DIPK1A: variants seen among roughly 807,000 people sequenced by gnomAD.
DIPK1A encodes family with sequence similarity 69 member A.
Under a neutral mutation model 40.8 loss-of-function variants are expected in DIPK1A, and 27 were observed. The observed-to-expected ratio is 0.66, with a 90% CI of 0.49 to 0.91. The LOEUF (loss-of-function observed/expected upper bound fraction) is 0.91, where lower values mean the gene tolerates loss of function less well. Ranked by LOEUF, DIPK1A falls within the 40% of genes least tolerant of loss-of-function variation. DIPK1A has a pLI of 0.00. For missense variants in DIPK1A, 412 were observed against 505.7 expected (o/e 0.81, Z 1.78); for synonymous variants, 166 against 171.3 (o/e 0.97, Z 0.24).
chr1:92,915,942 T>TG (rs1650036663), intron 1 of DIPK1A, among the ~76,000 whole-genome samples: 1 of 151,972 alleles, frequency 6.6e-6, no homozygotes, highest in Admixed American at 6.6e-5. Context: ...TAAAAAGAAA[T>TG]GAAGTATTGA....
chr1:92,878,317 G>C (rs1224091502), intron 1 of DIPK1A, among the ~76,000 whole-genome samples: 7 of 152,162 alleles, frequency 4.6e-5, no homozygotes, highest in African/African-American at 1.4e-4. Flanking sequence ...GGCTGAGGTA[G>C]GAGAATCACT....
intron 2 of DIPK1A, among the ~76,000 whole-genome samples, chr1:92,868,693 C>T (rs181356244): frequency 3.8e-4 from 58 of 152,180 alleles, no homozygotes; most frequent in Middle Eastern, 3.4e-3. Flanking sequence ...TGGCTGGGTG[C>T]GGTGGCTCAT....
At chr1:92,840,414 TAA>T (rs1557443920), downstream of DIPK1A, 1 of 710,192 alleles carries the variant, frequency 1.4e-6, no homozygotes, top group Admixed American at 2.2e-5. Context: ...ATTTAGAAGT[TAA>T]AGTGTTTACC....
chr1:92,851,702 C>T (rs1687833724), intron 2 of DIPK1A, among the ~76,000 whole-genome samples: 1 of 151,776 alleles, frequency 6.6e-6, no homozygotes, highest in Non-Finnish European at 1.5e-5. Context: ...CCAATGAAAC[C>T]CTAGGCACAA....
intron 1 of DIPK1A, among the ~76,000 whole-genome samples, chr1:92,896,404 A>G: frequency 6.6e-6 from 1 of 152,212 alleles, no homozygotes; most frequent in East Asian, 1.9e-4. Flanking sequence ...AGAAATGGGG[A>G]AAGGATTCCC....
chr1:92,843,068 T>C lies in DIPK1A; in HGVS notation c.*315A>G, dbSNP rs1687438205. On this transcript the variant is annotated 3_prime_UTR_variant, in exon 5 of 5. Transcript: ENST00000370310. The stretch of plus-strand genomic sequence containing the variant: ...ATTGGTATTTTGGCTAAGGTAAATC[T>C]ACAAATCACTCACTGTTGATGTTTA... 1 of 1,032,584 alleles carries C rather than the reference T, an allele frequency of 9.7e-7. No homozygotes were observed. Among genetic ancestry groups the C allele is most frequent in the African/African-American group, 1.7e-5 (1 of 58,774 alleles). 64.0% of individuals were successfully genotyped at this position (1,032,584 alleles called of 1,614,324 possible). A position where few individuals can be genotyped will look rare whatever the true frequency, so the allele number is the denominator to read the frequency against.
At chr1:92,895,042 C>A (rs1272953632) in intron 1 of DIPK1A, among the ~76,000 whole-genome samples, 2 of 152,018 alleles carry the variant, frequency 1.3e-5, no homozygotes, top group African/African-American at 4.8e-5. Context: ...AGTCCAGGAC[C>A]AGATGGACTC....
At chr1:92,861,309 TTCTC>T (rs772387771) in intron 2 of DIPK1A, among the ~76,000 whole-genome samples, 101 of 125,194 alleles carry the variant, frequency 8.1e-4, no homozygotes, top group African/African-American at 2.9e-3. Context: ...AGCTTTTCTA[TTCTC>T]TCTCTCTCTT....
At chr1:92,847,605 G>A (rs1405864029) in intron 3 of DIPK1A, among the ~76,000 whole-genome samples, 1 of 152,142 alleles carries the variant, frequency 6.6e-6, no homozygotes, top group Non-Finnish European at 1.5e-5. Context: ...AGTCCAATGA[G>A]AAGGATGTAA....
At chr1:92,907,672 G>A (rs1299405005) in intron 1 of DIPK1A, among the ~76,000 whole-genome samples, 1 of 151,854 alleles carries the variant, frequency 6.6e-6, no homozygotes, top group Non-Finnish European at 1.5e-5. Flanking sequence ...ACTCCCCTGG[G>A]CTCAAGTGAT....
intron 1 of DIPK1A, among the ~76,000 whole-genome samples, chr1:92,957,836 T>C (rs1651912319): frequency 6.6e-6 from 1 of 152,194 alleles, no homozygotes. Context: ...CACTATCAAT[T>C]TTAGAACATT....
chr1:92,846,831 A>ACACACACG (rs1302074966), intron 4 of DIPK1A, among the ~76,000 whole-genome samples: 144 of 7,696 alleles, frequency 0.019, 35 homozygotes, highest in South Asian at 0.024. Flanking sequence ...ATATATATAT[A>ACACACACG]TATATATATA....
chr1:92,849,417 G>A (rs558253262), intron 3 of DIPK1A, among the ~76,000 whole-genome samples: 8 of 150,354 alleles, frequency 5.3e-5, no homozygotes, highest in Non-Finnish European at 1.2e-4. Flanking sequence ...ACATGAACAC[G>A]GCTCACTGCA....
intron 2 of DIPK1A, among the ~76,000 whole-genome samples, chr1:92,858,475 G>A (rs1688061627): frequency 6.6e-6 from 1 of 152,154 alleles, no homozygotes; most frequent in Non-Finnish European, 1.5e-5. Context: ...TGGTATTTAA[G>A]TGTTCCGTAA....
At chr1:92,879,321 A>G (rs1392077016) in intron 1 of DIPK1A, among the ~76,000 whole-genome samples, 1 of 152,216 alleles carries the variant, frequency 6.6e-6, no homozygotes, top group Non-Finnish European at 1.5e-5. Flanking sequence ...ATAGTAAAGG[A>G]TTATTTTAGT....
At chr1:92,887,895 C>T (rs1196931340) in intron 1 of DIPK1A, among the ~76,000 whole-genome samples, 1 of 151,878 alleles carries the variant, frequency 6.6e-6, no homozygotes, top group African/African-American at 2.4e-5. Flanking sequence ...TCACTCTACT[C>T]TACTGCCTAT....
intron 2 of DIPK1A, among the ~76,000 whole-genome samples, chr1:92,869,236 ACTGCAGCCT>A (rs1401148268): frequency 6.6e-6 from 1 of 151,794 alleles, no homozygotes; most frequent in Admixed American, 6.6e-5. Context: ...ATCATGGCTC[ACTGCAGCCT>A]CGACCCCTTT....
At chr1:92,849,232 C>T (rs549442175) in intron 3 of DIPK1A, among the ~76,000 whole-genome samples, 1 of 152,304 alleles carries the variant, frequency 6.6e-6, no homozygotes, top group East Asian at 1.9e-4. Context: ...CAGAACACAC[C>T]ATATTCTACA....
intron 1 of DIPK1A, among the ~76,000 whole-genome samples, chr1:92,916,522 G>T (rs12121942): frequency 6.6e-6 from 1 of 151,930 alleles, no homozygotes; most frequent in Admixed American, 6.6e-5. Context: ...GGCTGGTCTC[G>T]AACTCCTGAC....
Sources: allele counts gnomAD v4.1 joint callset (sites outside exome capture counted in the v4.1 genomes callset), GRCh38; gene constraint gnomAD v4.1.1; transcripts MANE v1.5; gene names NCBI Gene and HGNC (gene_info 2026-07-23, HGNC 2026-07-21).